Variants in INPP5D observed in about 807,000 individuals in gnomAD.
The protein encoded by INPP5D is phosphatidylinositol 3,4,5-trisphosphate 5-phosphatase 1.
In INPP5D, 33 loss-of-function variants were observed where a neutral mutation model predicts 122.9. The observed-to-expected ratio is 0.27, with a 90% confidence interval of 0.20 to 0.36. The LOEUF is 0.36. Ranked by LOEUF, INPP5D falls within the 10% of genes least tolerant of loss-of-function variation. The probability of loss-of-function intolerance (pLI) is 1.00; values close to 1 mark genes in which losing one functional copy is unlikely to be tolerated. For missense variants in INPP5D, 1,053 were observed against 1,412.7 expected (o/e 0.75, Z 4.08); for synonymous variants, 584 against 576.2 (o/e 1.01, Z -0.19).
rs112998825 is a variant in INPP5D, at chr2:233,126,172, G to A, written c.524+253G>A. On this transcript the variant is annotated intron_variant, in intron 4 of 26. Coordinates refer to ENST00000445964, the MANE Select transcript of INPP5D (RefSeq NM_001017915.3). The stretch of plus-strand genomic sequence containing the variant: ...GGGGGAGCACTCCGTCTCCAGGCAC[G>A]GCCCGGCATAGTGTGGGCACTCACT... Among the ~76,000 whole-genome samples, 1,298 of 152,360 alleles carry A rather than the reference G, an allele frequency of 8.5e-3. 8 individuals carry two copies. Among genetic ancestry groups the A allele is most frequent in the Non-Finnish European group, 0.014 (967 of 68,038 alleles).
rs752910906 is a variant in INPP5D, at chr2:233,146,103, G to T, written c.754-59G>T. 1.1e-5 allele frequency: 8 copies of T among 703,974 alleles called. No homozygotes were observed. In the African/African-American group the frequency reaches 1.4e-4, roughly 12 times the overall value. The allele number at this position is 703,974 out of a possible 1,614,324, so 43.6% of individuals were successfully genotyped here. A position where few individuals can be genotyped will look rare whatever the true frequency, so the allele number is the denominator to read the frequency against. ...AGGTGCAGAGAGAACCCAGAGCATT[G>T]CCTCTCGATGGTTCAGGTTCAGTGA... On this transcript the variant is annotated intron_variant, in intron 6 of 26. Coordinates refer to ENST00000445964, the MANE Select transcript of INPP5D (RefSeq NM_001017915.3).
chr2:233,117,734 C>G (rs887112448), intron 2 of INPP5D, among the ~76,000 whole-genome samples: 1 of 152,178 alleles, frequency 6.6e-6, no homozygotes, highest in African/African-American at 2.4e-5. Context: ...GGATCGTGCA[C>G]ATGAAAAACG....
intron 1 of INPP5D, chr2:233,076,511 G>A (rs982391160): frequency 6.6e-5 from 10 of 152,184 alleles, no homozygotes; most frequent in Non-Finnish European, 7.3e-5. Flanking sequence ...ACATGTGGAA[G>A]TGAAATTACT....
intron 2 of INPP5D, among the ~76,000 whole-genome samples, chr2:233,113,157 C>G (rs1471281318): frequency 6.6e-6 from 1 of 152,284 alleles, no homozygotes; most frequent in Non-Finnish European, 1.5e-5. Context: ...TGCTTATTCC[C>G]CTGTGTATAC....
chr2:233,198,823 G>C (rs540084107), intron 25 of INPP5D, among the ~76,000 whole-genome samples: 1 of 152,216 alleles, frequency 6.6e-6, no homozygotes, highest in African/African-American at 2.4e-5. Context: ...GGTGGTGCAT[G>C]CCTGTAATCC....
At chr2:233,130,716 G>C in intron 5 of INPP5D, 68 bp downstream of exon 5, 1 of 1,534,448 alleles carries the variant, frequency 6.5e-7, no homozygotes, top group Non-Finnish European at 9.0e-7. Context: ...GCTCATGAGA[G>C]CGACCTCTGC....
At chr2:233,090,560 C>G (rs528511398) in intron 2 of INPP5D, among the ~76,000 whole-genome samples, 11 of 152,152 alleles carry the variant, frequency 7.2e-5, no homozygotes, top group African/African-American at 2.7e-4. Flanking sequence ...CTATGAAGAC[C>G]CTAAAAAGAG....
At chr2:233,153,404 G>A (rs1387696025) in intron 9 of INPP5D, among the ~76,000 whole-genome samples, 2 of 152,138 alleles carry the variant, frequency 1.3e-5, no homozygotes, top group Non-Finnish European at 2.9e-5. Context: ...TGCATGCTCT[G>A]CCATCAGTTC....
rs143787907 is a variant in INPP5D, at chr2:233,117,471, G to A, written c.199-4636G>A. On this transcript the variant is annotated intron_variant, in intron 2 of 26. Coordinates refer to ENST00000445964, the MANE Select transcript of INPP5D (RefSeq NM_001017915.3). Reference sequence around the variant, plus strand: ...CCAGATGAGAGGAAAGTTTTTTGGCGGGGGAGGGGATCTACTGCCCTGCTC... The same window carrying A: ...CCAGATGAGAGGAAAGTTTTTTGGCAGGGGAGGGGATCTACTGCCCTGCTC... 4.7e-4 allele frequency among the ~76,000 whole-genome samples: 72 copies of A among 152,276 alleles called. 1 individual carries two copies. In the East Asian group the frequency reaches 0.014, roughly 29 times the overall value.
At chr2:233,146,984 AC>A (rs1693779090) in intron 8 of INPP5D, among the ~76,000 whole-genome samples, 1 of 152,064 alleles carries the variant, frequency 6.6e-6, no homozygotes, top group African/African-American at 2.4e-5. Context: ...TCCGTTCTAG[AC>A]CTGGTGATTA....
chr2:233,171,622 A>G (rs1694495951), intron 17 of INPP5D, among the ~76,000 whole-genome samples: 1 of 152,228 alleles, frequency 6.6e-6, no homozygotes, highest in Non-Finnish European at 1.5e-5. Context: ...TTATGAGGCC[A>G]CTTGTTTTCC....
At position 233,177,652 on chromosome 2, in the gene INPP5D, C is replaced by T. The variant is rs1694673380; in HGVS notation, c.2071+306C>T. On this transcript the variant is annotated intron_variant, in intron 18 of 26. Coordinates refer to ENST00000445964, the MANE Select transcript of INPP5D (RefSeq NM_001017915.3). This position sits in a 1 kb window ranked among gnomAD's most constrained non-coding sequence, Gnocchi z 4.2. The stretch of plus-strand genomic sequence containing the variant: ...ACAATGGCATGATCTCATCTCACCA[C>T]AACTTCTACCTCCTGGGTTCAAGCG... 6.6e-6 allele frequency among the ~76,000 whole-genome samples: 1 copy of T among 152,344 alleles called. No homozygotes were observed. The highest frequency in any genetic ancestry group is 2.4e-5 in the African/African-American group (1 of 41,580).
At chr2:233,155,147 G>A (rs1053981095) in intron 9 of INPP5D, among the ~76,000 whole-genome samples, 1 of 151,960 alleles carries the variant, frequency 6.6e-6, no homozygotes, top group Non-Finnish European at 1.5e-5. Flanking sequence ...GAGAGAAGGG[G>A]GAAGAAGGGG....
At chr2:233,187,438 G>A (rs941610989) in intron 21 of INPP5D, among the ~76,000 whole-genome samples, 2 of 152,192 alleles carry the variant, frequency 1.3e-5, no homozygotes, top group African/African-American at 4.8e-5. Context: ...GACACTCGAG[G>A]TGAATTTTAA....
chr2:233,065,195 CG>C (rs1224726296), intron 1 of INPP5D, among the ~76,000 whole-genome samples: 2 of 152,244 alleles, frequency 1.3e-5, no homozygotes, highest in African/African-American at 4.8e-5. Context: ...GCTCAGCCCC[CG>C]TGAAAAGTCC....
At chr2:233,109,377 C>A (rs866907693) in intron 2 of INPP5D, among the ~76,000 whole-genome samples, 1 of 152,194 alleles carries the variant, frequency 6.6e-6, no homozygotes, top group East Asian at 1.9e-4. Flanking sequence ...CTCGTCTATG[C>A]GCGTTGCTGT....
intron 14 of INPP5D, 132 bp downstream of exon 14, chr2:233,169,533 G>A (rs2106301690): frequency 4.4e-6 from 6 of 1,378,682 alleles, no homozygotes; most frequent in Non-Finnish European, 5.9e-6. Flanking sequence ...GCCTTTCAGG[G>A]CCCACCACAG....
At chr2:233,202,295 T>C (rs934218222) in intron 25 of INPP5D, among the ~76,000 whole-genome samples, 1 of 152,194 alleles carries the variant, frequency 6.6e-6, no homozygotes, top group Non-Finnish European at 1.5e-5. Context: ...GCAACGGCCT[T>C]TGAGGGTCCA....
intron 2 of INPP5D, among the ~76,000 whole-genome samples, chr2:233,120,028 G>A (rs560173978): frequency 1.9e-4 from 29 of 152,300 alleles, no homozygotes; most frequent in African/African-American, 7.0e-4. Flanking sequence ...CACCAACCAG[G>A]GTGGGCTTTT....
Sources: gnomAD v4.1 joint callset for allele counts (sites outside exome capture counted in the v4.1 genomes callset) on GRCh38, gnomAD v4.1.1 for gene constraint, Gnocchi (gnomAD v3.1) non-coding constraint, MANE v1.5 for transcripts, NCBI Gene and HGNC (gene_info 2026-07-23, HGNC 2026-07-21) for gene names.